Variants in GNG4 observed in about 807,000 individuals in gnomAD.
The protein encoded by GNG4 is guanine nucleotide-binding protein G(I)/G(S)/G(O) subunit gamma-4.
In GNG4, 4 loss-of-function variants were observed where a neutral mutation model predicts 5.8. The observed-to-expected ratio is 0.69, with a 90% CI of 0.34 to 1.57. GNG4 has a LOEUF of 1.57. Ranked by LOEUF, GNG4 falls within the 40% of genes most tolerant of loss-of-function variation. The pLI, the probability that GNG4 is intolerant of heterozygous loss-of-function variation, is 0.06. For synonymous variants in GNG4, 29 were observed against 32.9 expected, an observed-to-expected ratio of 0.88 and a Z score of 0.41; for missense variants, 96 against 95.1, an observed-to-expected ratio of 1.01 and a Z score of -0.04.
rs539814088 is a variant in GNG4 at position 235,648,169 on chromosome 1, G to A, written c.-123+1493C>T. Among the ~76,000 whole-genome samples, 2 of 152,248 alleles carry A rather than the reference G, an allele frequency of 1.3e-5. No individual in the cohort carries two copies. The highest frequency in any genetic ancestry group is 2.1e-4 in the South Asian group (1 of 4,820). Reference sequence around the variant, plus strand: ...CTTGGGCGAATTTTAAGGCCTATGAGCACTGGAGTTGTGCATGGAGGTGGG... The same window carrying A: ...CTTGGGCGAATTTTAAGGCCTATGAACACTGGAGTTGTGCATGGAGGTGGG... On this transcript the variant is annotated intron_variant, in intron 1 of 3. Coordinates refer to ENST00000391854, the MANE Select transcript of GNG4 (RefSeq NM_001098722.2). The surrounding 1 kb of genome is among the most constrained non-coding windows in gnomAD (Gnocchi z 5.0).
In GNG4 at chr1:235,555,353, A is replaced by G. The variant is rs532950681; in HGVS notation, c.100-3116T>C. Reference sequence around the variant, plus strand: ...TGGCTGACCCATATTAAACAAGCTCAGGAGGCAGCTGGATAAAACCATAAT... The same window carrying G: ...TGGCTGACCCATATTAAACAAGCTCGGGAGGCAGCTGGATAAAACCATAAT... On this transcript the variant is annotated intron_variant, in intron 3 of 3. Coordinates refer to ENST00000391854, the MANE Select transcript of GNG4 (RefSeq NM_001098722.2). Among the ~76,000 whole-genome samples the G allele has an allele frequency of 5.3e-5, 8 of 152,334 alleles. No homozygotes were observed. In the South Asian group the frequency reaches 1.7e-3, roughly 32 times the overall value.
At chr1:235,609,802 G>A (rs527556595) in intron 1 of GNG4, among the ~76,000 whole-genome samples, 1 of 152,130 alleles carries the variant, frequency 6.6e-6, no homozygotes, top group South Asian at 2.1e-4. Flanking sequence ...AGCTACTCGG[G>A]AGGCTGAGGC....
rs148054767 is a variant in GNG4, at chr1:235,605,374, C to T, written c.-122-9863G>A. 2.0e-4 allele frequency among the ~76,000 whole-genome samples: 30 copies of T among 151,974 alleles called. No homozygotes were observed. The East Asian group carries it at 5.0e-3, about 26-fold the overall frequency. On this transcript the variant is annotated intron_variant, in intron 1 of 3. Coordinates refer to ENST00000391854, the MANE Select transcript of GNG4 (RefSeq NM_001098722.2). ...CCCAGCTAATATTTGTATTTTTAGT[C>T]GAGATGGCTAGGCTGGTCTCGAACT... is the stretch of plus-strand genomic sequence containing the variant.
intron 1 of GNG4, among the ~76,000 whole-genome samples, chr1:235,617,758 A>AC (rs1484739886): frequency 6.6e-6 from 1 of 151,974 alleles, no homozygotes; most frequent in Non-Finnish European, 1.5e-5. Flanking sequence ...GTTGGTGTGC[A>AC]CCTGTAGTTC....
intron 2 of GNG4, among the ~76,000 whole-genome samples, chr1:235,584,640 G>C (rs1476829934): frequency 7.2e-6 from 1 of 139,532 alleles, no homozygotes; most frequent in African/African-American, 2.6e-5. Flanking sequence ...CCGTGACTAA[G>C]ACCAGTGTAG....
intron 1 of GNG4, among the ~76,000 whole-genome samples, chr1:235,632,621 T>G (rs569199323): frequency 6.6e-6 from 1 of 152,328 alleles, no homozygotes; most frequent in Non-Finnish European, 1.5e-5. Context: ...TGAACAAGGT[T>G]TTTTCTCTTT....
intron 3 of GNG4, among the ~76,000 whole-genome samples, chr1:235,554,071 T>C (rs1437023323): frequency 6.6e-6 from 1 of 152,162 alleles, no homozygotes; most frequent in Admixed American, 6.5e-5. Context: ...GTGGGGGGCC[T>C]GTGAAGCCAT....
intron 1 of GNG4, among the ~76,000 whole-genome samples, chr1:235,604,465 G>A (rs1202286548): frequency 6.6e-6 from 1 of 152,190 alleles, no homozygotes; most frequent in Non-Finnish European, 1.5e-5. Flanking sequence ...TCAAGGTGTT[G>A]GCAGGGTCAC....
In GNG4 at chr1:235,580,739, G is replaced by GTTTTTTTTT. The variant is rs1200655746; in HGVS notation, c.99+3000_99+3001insAAAAAAAAA. On this transcript the variant is annotated intron_variant, in intron 3 of 3. Coordinates refer to ENST00000391854, the MANE Select transcript of GNG4 (RefSeq NM_001098722.2). ...GCACAGCAACATGGCGGCCTATCCC[G>GTTTTTTTTT]TTTTTTGTTTTTTTTTTTTTTTTTT... Among the ~76,000 whole-genome samples the GTTTTTTTTT allele has an allele frequency of 6.1e-5, 6 of 98,048 alleles. 2 individuals carry two copies. The highest frequency in any genetic ancestry group is 9.1e-5 in the African/African-American group (2 of 22,010). 64.3% of individuals were successfully genotyped at this position (98,048 alleles called of 152,430 possible).
intron 1 of GNG4, among the ~76,000 whole-genome samples, chr1:235,629,193 A>G (rs1181981411): frequency 6.6e-6 from 1 of 151,726 alleles, no homozygotes. Flanking sequence ...AATTAAAAAA[A>G]AAATGAAGAC....
chr1:235,593,757 G>A (rs1440423394), intron 2 of GNG4, among the ~76,000 whole-genome samples: 1 of 152,150 alleles, frequency 6.6e-6, no homozygotes, highest in East Asian at 1.9e-4. Context: ...CGCGTCTGGA[G>A]TTGTTCCTTC....
At chr1:235,618,607 A>T (rs1281090085) in intron 1 of GNG4, among the ~76,000 whole-genome samples, 1 of 151,568 alleles carries the variant, frequency 6.6e-6, no homozygotes, top group Non-Finnish European at 1.5e-5. Flanking sequence ...ATTCGTGTGC[A>T]TGATTCACAA....
chr1:235,619,454 C>T (rs1688665150), intron 1 of GNG4, among the ~76,000 whole-genome samples: 3 of 151,996 alleles, frequency 2.0e-5, no homozygotes, highest in African/African-American at 7.2e-5. Context: ...ATCTCTCAAA[C>T]CAGGGATATT....
intron 1 of GNG4, among the ~76,000 whole-genome samples, chr1:235,602,737 C>T (rs1363587107): frequency 2.6e-5 from 4 of 152,148 alleles, no homozygotes; most frequent in Non-Finnish European, 4.4e-5. Context: ...ACATTTTACC[C>T]TAAAATTCTG....
At chr1:235,650,041 AT>A (rs1657632938), upstream of GNG4, 1 of 149,710 alleles carries the variant, frequency 6.7e-6, no homozygotes. Flanking sequence ...CGCCCGGGAA[AT>A]CCCGCCCGCT....
chr1:235,625,617 A>G (rs1688794994), intron 1 of GNG4, among the ~76,000 whole-genome samples: 1 of 152,026 alleles, frequency 6.6e-6, no homozygotes, highest in South Asian at 2.1e-4. Context: ...CCACCACAGC[A>G]ACCACTGATC....
intron 2 of GNG4, among the ~76,000 whole-genome samples, chr1:235,592,699 G>A (rs1448900491): frequency 6.6e-6 from 1 of 152,110 alleles, no homozygotes; most frequent in Non-Finnish European, 1.5e-5. Flanking sequence ...GCCCTTTTCG[G>A]TCAAAACCAC....
At chr1:235,586,009 C>T (rs1687749560) in intron 2 of GNG4, among the ~76,000 whole-genome samples, 1 of 152,166 alleles carries the variant, frequency 6.6e-6, no homozygotes, top group Non-Finnish European at 1.5e-5. Flanking sequence ...ATGGGACCCA[C>T]TCTCTCTGTG....
intron 1 of GNG4, among the ~76,000 whole-genome samples, chr1:235,604,541 T>C (rs1688321150): frequency 1.3e-5 from 2 of 152,226 alleles, no homozygotes; most frequent in African/African-American, 4.8e-5. Context: ...TGGTGACCTC[T>C]GATAACACTT....
Sources: allele counts gnomAD v4.1 joint callset (sites outside exome capture counted in the v4.1 genomes callset), GRCh38; gene constraint gnomAD v4.1.1; non-coding constraint Gnocchi (gnomAD v3.1); transcripts MANE v1.5; gene names NCBI Gene and HGNC (gene_info 2026-07-23, HGNC 2026-07-21).